Variants in VDAC1 observed in about 807,000 individuals in gnomAD.
The protein encoded by VDAC1 is voltage dependent anion channel 1, also known as non-selective voltage-gated ion channel VDAC1.
Under a neutral mutation model 34.7 loss-of-function variants are expected in VDAC1, and 10 were observed. The ratio of observed to expected loss-of-function variants is 0.29; its 90% CI spans 0.18 to 0.49. The LOEUF (loss-of-function observed/expected upper bound fraction) is 0.49, where lower values mean the gene tolerates loss of function less well. VDAC1 is among the 20% of genes least tolerant of loss of function. The pLI is 0.99. For missense variants in VDAC1, 230 were observed against 347.9 expected (o/e 0.66, Z 2.69); for synonymous variants, 130 against 136.0 (o/e 0.96, Z 0.30).
At chr5:134,080,074 T>C in the VDAC1 span, among the ~76,000 whole-genome samples, 2 of 152,192 alleles carry the variant, frequency 1.3e-5, no homozygotes, top group Non-Finnish European at 2.9e-5. Context: ...GGGTGCTGCA[T>C]AGAAAAACAC....
At chr5:134,098,222 T>C in the VDAC1 span, among the ~76,000 whole-genome samples, 2 of 146,582 alleles carry the variant, frequency 1.4e-5, no homozygotes, top group African/African-American at 5.1e-5. Context: ...TGAGACAGAG[T>C]CTTGCTCTGT....
chr5:134,097,430 G>T, the VDAC1 span, among the ~76,000 whole-genome samples: 2 of 152,178 alleles, frequency 1.3e-5, no homozygotes, highest in African/African-American at 2.4e-5. Flanking sequence ...GGAAAAAAAG[G>T]TTTTTAAAAT....
At chr5:134,045,202 T>G in the VDAC1 span, among the ~76,000 whole-genome samples, 1 of 152,218 alleles carries the variant, frequency 6.6e-6, no homozygotes, top group Non-Finnish European at 1.5e-5. Flanking sequence ...TTTTAGGCCC[T>G]GCTGGCCTGG....
chr5:134,114,094 C>T, the VDAC1 span, among the ~76,000 whole-genome samples: 1 of 152,182 alleles, frequency 6.6e-6, no homozygotes, highest in African/African-American at 2.4e-5. Flanking sequence ...GCTCTGCACG[C>T]AACAGGAGCT....
chr5:134,091,595 A>G, the VDAC1 span, among the ~76,000 whole-genome samples: 1 of 152,200 alleles, frequency 6.6e-6, no homozygotes, highest in Non-Finnish European at 1.5e-5. Context: ...AAATAGAAGT[A>G]TGGAAACTCT....
the VDAC1 span, among the ~76,000 whole-genome samples, chr5:134,056,241 C>CA: frequency 0.026 from 2,928 of 110,930 alleles, 45 homozygotes; most frequent in Middle Eastern, 0.043. Context: ...AACTCCGTCT[C>CA]AAAAAAAAAA....
chr5:134,027,419 G>A, the VDAC1 span, among the ~76,000 whole-genome samples: 1 of 152,172 alleles, frequency 6.6e-6, no homozygotes, highest in South Asian at 2.1e-4. Context: ...AGAACATGGG[G>A]GACAAGAGAG....
At chr5:133,973,898 C>T in intron 7 of VDAC1, 50 bp from the exon 8 acceptor site, 1 of 1,556,364 alleles carries the variant, frequency 6.4e-7, no homozygotes, top group Non-Finnish European at 8.7e-7. Flanking sequence ...TAATACTTTG[C>T]ACTTCCATCT....
At chr5:134,074,250 C>T in the VDAC1 span, among the ~76,000 whole-genome samples, 5 of 151,468 alleles carry the variant, frequency 3.3e-5, no homozygotes, top group African/African-American at 7.3e-5. Flanking sequence ...AGGCAGAGCT[C>T]GCAGTGAGCC....
chr5:133,976,135 A>C, intron 6 of VDAC1, 114 bp from the exon 7 acceptor site: 1 of 1,298,042 alleles, frequency 7.7e-7, no homozygotes, highest in Non-Finnish European at 1.1e-6. Flanking sequence ...CTGAACCAAT[A>C]CTGGTATTAA....
chr5:134,051,420 CAG>C, the VDAC1 span, among the ~76,000 whole-genome samples: 1 of 152,254 alleles, frequency 6.6e-6, no homozygotes, highest in Non-Finnish European at 1.5e-5. Flanking sequence ...AAGACTGCTA[CAG>C]AGTCACTTGC....
the VDAC1 span, among the ~76,000 whole-genome samples, chr5:134,100,381 C>T: frequency 2.6e-5 from 4 of 152,190 alleles, no homozygotes; most frequent in Non-Finnish European, 4.4e-5. Context: ...GATTTGCATA[C>T]GATGCAAAGA....
the VDAC1 span, among the ~76,000 whole-genome samples, chr5:134,102,706 T>G: frequency 1.3e-5 from 2 of 152,176 alleles, no homozygotes; most frequent in Non-Finnish European, 2.9e-5. Flanking sequence ...AAATAATATT[T>G]TTTTAATTAC....
At chr5:134,069,121 A>T in the VDAC1 span, among the ~76,000 whole-genome samples, 28 of 152,170 alleles carry the variant, frequency 1.8e-4, no homozygotes, top group African/African-American at 6.5e-4. Flanking sequence ...CTGTGCTTTC[A>T]GAAGAAAAAA....
At chr5:134,054,703 C>A in the VDAC1 span, among the ~76,000 whole-genome samples, 3 of 152,074 alleles carry the variant, frequency 2.0e-5, no homozygotes, top group Non-Finnish European at 4.4e-5. Flanking sequence ...TCAGGTGATC[C>A]GCCCACCTTG....
the VDAC1 span, among the ~76,000 whole-genome samples, chr5:134,049,738 T>C: frequency 4.6e-5 from 7 of 151,888 alleles, no homozygotes; most frequent in Non-Finnish European, 1.0e-4. Flanking sequence ...CACCACCACA[T>C]CTGGATAATT....
At chr5:134,049,960 T>C in the VDAC1 span, among the ~76,000 whole-genome samples, 1 of 152,024 alleles carries the variant, frequency 6.6e-6, no homozygotes, top group Non-Finnish European at 1.5e-5. Flanking sequence ...ATGTACTAAA[T>C]CCACCACCGC....
At chr5:134,110,090 G>A in the VDAC1 span, among the ~76,000 whole-genome samples, 1 of 152,174 alleles carries the variant, frequency 6.6e-6, no homozygotes, top group Admixed American at 6.5e-5. Flanking sequence ...CAGGAACAAT[G>A]GCTGGCACAA....
chr5:134,088,071 C>T, the VDAC1 span, among the ~76,000 whole-genome samples: 15 of 152,012 alleles, frequency 9.9e-5, no homozygotes, highest in African/African-American at 3.6e-4. Context: ...AGGAGAATCG[C>T]TTGAACCCAG....
Sources: gnomAD v4.1 joint callset for allele counts (sites outside exome capture counted in the v4.1 genomes callset) on GRCh38, gnomAD v4.1.1 for gene constraint, MANE v1.5 for transcripts, NCBI Gene and HGNC (gene_info 2026-07-23, HGNC 2026-07-21) for gene names.